Variants in TYW1 observed in about 807,000 individuals in gnomAD.
TYW1 encodes S-adenosyl-L-methionine-dependent tRNA 4-demethylwyosine synthase TYW1.
In TYW1, 46 loss-of-function variants were observed where a neutral mutation model predicts 96.2. The ratio of observed to expected loss-of-function variants is 0.48; its 90% CI spans 0.38 to 0.61. The LOEUF (loss-of-function observed/expected upper bound fraction) is 0.61, where lower values mean the gene tolerates loss of function less well. Among genes scored for constraint, TYW1 ranks in the 20% least tolerant of loss-of-function variants. The probability of loss-of-function intolerance (pLI) is 0.00; values close to 1 mark genes in which losing one functional copy is unlikely to be tolerated. For synonymous variants in TYW1, 274 were observed against 323.0 expected (o/e 0.85, Z 1.63); for missense variants, 684 against 909.6 (o/e 0.75, Z 3.19).
chr7:67,022,584 C>A (rs565615207), intron 6 of TYW1, among the ~76,000 whole-genome samples: 8 of 152,240 alleles, frequency 5.3e-5, no homozygotes, highest in African/African-American at 1.4e-4. Context: ...TATATTTAGA[C>A]AAACTGGTTG....
intron 12 of TYW1, among the ~76,000 whole-genome samples, chr7:67,101,387 T>A (rs1489800634): frequency 6.6e-6 from 1 of 152,124 alleles, no homozygotes; most frequent in African/African-American, 2.4e-5. Context: ...GCGGGGTTTG[T>A]CCGAGATGAC....
chr7:67,207,775 C>T (rs1439664987), intron 15 of TYW1, among the ~76,000 whole-genome samples: 1 of 132,738 alleles, frequency 7.5e-6, no homozygotes. Context: ...GGCTGGAGTG[C>T]AATGGCACAA....
intron 9 of TYW1, among the ~76,000 whole-genome samples, chr7:67,066,430 C>G (rs1320649843): frequency 6.6e-6 from 1 of 152,090 alleles, no homozygotes; most frequent in Non-Finnish European, 1.5e-5. Context: ...CTACATGTAC[C>G]AACTTATATG....
chr7:67,094,297 T>C (rs1796818539), intron 11 of TYW1, among the ~76,000 whole-genome samples: 1 of 152,240 alleles, frequency 6.6e-6, no homozygotes, highest in Admixed American at 6.5e-5. Context: ...TGAATAGTGC[T>C]GCGATGAACA....
chr7:67,209,192 G>A, intron 15 of TYW1, among the ~76,000 whole-genome samples: 1 of 152,150 alleles, frequency 6.6e-6, no homozygotes, highest in Admixed American at 6.5e-5. Flanking sequence ...TCACATTCAG[G>A]TAAATGAGCC....
At chr7:67,057,609 G>A (rs1353831308) in intron 9 of TYW1, among the ~76,000 whole-genome samples, 6 of 152,042 alleles carry the variant, frequency 3.9e-5, no homozygotes, top group East Asian at 1.9e-4. Context: ...GACCTCAAGC[G>A]ATCCATGCAC....
intron 9 of TYW1, among the ~76,000 whole-genome samples, chr7:67,065,640 C>CTT (rs74272581): frequency 6.9e-6 from 1 of 143,958 alleles, no homozygotes; most frequent in Admixed American, 6.9e-5. Flanking sequence ...GACAGGGAAA[C>CTT]TTTTTTTTTT....
chr7:67,023,251 C>T (rs1210612674), intron 6 of TYW1, among the ~76,000 whole-genome samples: 1 of 151,990 alleles, frequency 6.6e-6, no homozygotes. Context: ...CGCATGCCAC[C>T]ACGCTCGGCT....
chr7:67,002,562 C>T (rs957375698), intron 3 of TYW1, among the ~76,000 whole-genome samples: 8 of 152,092 alleles, frequency 5.3e-5, no homozygotes, highest in Admixed American at 2.6e-4. Context: ...GGAAGATTTT[C>T]GGATCATTTC....
intron 7 of TYW1, among the ~76,000 whole-genome samples, chr7:67,043,288 C>G (rs1795086584): frequency 6.6e-6 from 1 of 151,156 alleles, no homozygotes; most frequent in South Asian, 2.1e-4. Context: ...CAGGAGGAGC[C>G]TGATAATTTT....
intron 6 of TYW1, among the ~76,000 whole-genome samples, chr7:67,021,014 C>T (rs368145277): frequency 5.9e-5 from 9 of 152,392 alleles, no homozygotes; most frequent in East Asian, 1.9e-4. Context: ...GGTGACAGAG[C>T]GAGACGCTGT....
At chr7:67,059,205 T>C (rs1477016032) in intron 9 of TYW1, among the ~76,000 whole-genome samples, 122 of 149,856 alleles carry the variant, frequency 8.1e-4, no homozygotes, top group African/African-American at 2.9e-3. Flanking sequence ...GTTCACACCA[T>C]TCTCCTGCCT....
At chr7:67,046,681 C>G (rs1000265171) in intron 7 of TYW1, among the ~76,000 whole-genome samples, 1 of 152,194 alleles carries the variant, frequency 6.6e-6, no homozygotes, top group Non-Finnish European at 1.5e-5. Context: ...GCATTCAACT[C>G]CCTTGCGGAG....
intron 13 of TYW1, among the ~76,000 whole-genome samples, chr7:67,162,200 G>A (rs28366417): frequency 0.28 from 42,680 of 151,268 alleles, 6,520 homozygotes; most frequent in African/African-American, 0.4. Flanking sequence ...TGTAGTCCCA[G>A]CTACTCAGGA....
chr7:67,148,019 T>G (rs2116147561), intron 13 of TYW1, among the ~76,000 whole-genome samples: 1 of 150,894 alleles, frequency 6.6e-6, no homozygotes, highest in African/African-American at 2.4e-5. Context: ...ATCTCAATGG[T>G]TTGGTGGAGA....
chr7:67,227,328 C>T (rs1011479791), intron 15 of TYW1, among the ~76,000 whole-genome samples: 1 of 152,206 alleles, frequency 6.6e-6, no homozygotes, highest in Non-Finnish European at 1.5e-5. Flanking sequence ...ACGATCTCTG[C>T]TCACAGCAAC....
chr7:67,095,698 A>ACAACAG (rs1329669852), intron 11 of TYW1, among the ~76,000 whole-genome samples: 20 of 102,404 alleles, frequency 2.0e-4, no homozygotes, highest in African/African-American at 5.1e-4. Context: ...AACAACAACA[A>ACAACAG]CAGCAGCAGC....
chr7:67,084,898 T>G (rs1796500757), intron 11 of TYW1, among the ~76,000 whole-genome samples: 1 of 152,188 alleles, frequency 6.6e-6, no homozygotes, highest in Non-Finnish European at 1.5e-5. Context: ...ATGTGATGTC[T>G]TCATAAAGCA....
intron 15 of TYW1, among the ~76,000 whole-genome samples, chr7:67,219,171 T>C (rs78236940): frequency 4.9e-4 from 74 of 152,308 alleles, no homozygotes; most frequent in African/African-American, 1.7e-3. Context: ...GATGATCATG[T>C]GGTTTTTGTC....
Sources: allele counts gnomAD v4.1 joint callset (sites outside exome capture counted in the v4.1 genomes callset), GRCh38; gene constraint gnomAD v4.1.1; transcripts MANE v1.5; gene names NCBI Gene and HGNC (gene_info 2026-07-23, HGNC 2026-07-21).